Variants in ADGB observed in about 807,000 individuals in gnomAD.
The protein encoded by ADGB is calpain-7-like protein.
A neutral mutation model predicts 210.5 loss-of-function variants in ADGB; 172 were observed. The ratio of observed to expected loss-of-function variants is 0.82; its 90% CI spans 0.72 to 0.93. The LOEUF (loss-of-function observed/expected upper bound fraction) is 0.93. Ranked by LOEUF, ADGB falls within the 40% of genes least tolerant of loss-of-function variation. The pLI, the probability that ADGB is intolerant of heterozygous loss-of-function variation, is 0.00. For synonymous variants in ADGB, 658 were observed against 662.7 expected (o/e 0.99, Z 0.11); for missense variants, 2,025 against 1,964.8 (o/e 1.03, Z -0.58).
chr6:146,812,746 A>C (rs1241793635), intron 35 of ADGB, among the ~76,000 whole-genome samples: 2 of 152,224 alleles, frequency 1.3e-5, no homozygotes, highest in Admixed American at 1.3e-4. Context: ...TGCAGATCTA[A>C]AGTTTTCAAT....
chr6:146,785,460 T>C, intron 31 of ADGB, 150 bp from the exon 32 acceptor site: 2 of 490,156 alleles, frequency 4.1e-6, no homozygotes, highest in Non-Finnish European at 7.3e-6. Flanking sequence ...TATCTGATAA[T>C]GAAGAAGAGC....
chr6:146,691,413 T>TAC lies in ADGB; in HGVS notation c.1486+124_1486+125insCA, dbSNP rs1562275429. 13 of 19,944 alleles carry TAC rather than the reference T, an allele frequency of 6.5e-4. 1 individual carries two copies. Among genetic ancestry groups the TAC allele is most frequent in the African/African-American group, 1.3e-3 (3 of 2,316 alleles). 1.2% of individuals were successfully genotyped at this position (19,944 alleles called of 1,614,324 possible). A position where few individuals can be genotyped will look rare whatever the true frequency, so the allele number is the denominator to read the frequency against. On this transcript the variant is annotated intron_variant, in intron 11 of 35. Coordinates refer to ENST00000397944, the MANE Select transcript of ADGB (RefSeq NM_024694.4). ...CATTGCTTCTAAAGCCTATGTTTAATATATATATATATATATATATATATA... is the reference window on the plus strand; with the variant it reads ...CATTGCTTCTAAAGCCTATGTTTAATACATATATATATATATATATATATATA...
At chr6:146,733,028 T>G (rs1343908953) in intron 20 of ADGB, 92 bp from the exon 21 acceptor site, 2 of 1,030,674 alleles carry the variant, frequency 1.9e-6, no homozygotes, top group African/African-American at 1.7e-5. Context: ...ATGGTTTTTA[T>G]TTTTTATTTT....
At position 146,691,411 on chromosome 6, in the gene ADGB, A is replaced by ATAT. The variant is rs1776305900; in HGVS notation, c.1486+121_1486+122insTAT. ...AACATTGCTTCTAAAGCCTATGTTT[A>ATAT]ATATATATATATATATATATATATA... is the stretch of plus-strand genomic sequence containing the variant. On this transcript the variant is annotated intron_variant, in intron 11 of 35. Coordinates refer to ENST00000397944, the MANE Select transcript of ADGB (RefSeq NM_024694.4). 3.1e-5 allele frequency: 3 copies of ATAT among 98,244 alleles called. No homozygotes were observed. In the African/African-American group the frequency reaches 3.5e-4, roughly 11 times the overall value. The allele number at this position is 98,244 out of a possible 1,614,324, so 6.1% of individuals were successfully genotyped here. A position where few individuals can be genotyped will look rare whatever the true frequency, so the allele number is the denominator to read the frequency against.
At position 146,814,776 on chromosome 6, in the gene ADGB, GA is replaced by G. The variant is rs374652614; in HGVS notation, c.4819-248del. 1.2e-4 allele frequency among the ~76,000 whole-genome samples: 18 copies of G among 151,792 alleles called. No homozygotes were observed. The East Asian group carries it at 1.7e-3, about 15-fold the overall frequency. On this transcript the variant is annotated intron_variant, in intron 35 of 35. Transcript: ENST00000397944. ...ATCATTTAAACAGAATACCTTTGGGGAAAAAAAAGTATGTTTTGACTATTTT... is the reference window on the plus strand; with the variant it reads ...ATCATTTAAACAGAATACCTTTGGGGAAAAAAAGTATGTTTTGACTATTTT...
intron 2 of ADGB, 48 bp from the exon 3 acceptor site, chr6:146,644,720 TTTTTA>T: frequency 9.0e-7 from 1 of 1,112,842 alleles, no homozygotes; most frequent in South Asian, 1.9e-5. Flanking sequence ...TAAAATTGTT[TTTTTA>T]TTTTAATAAA....
At chr6:146,667,516 T>C (rs1320446797) in intron 7 of ADGB, among the ~76,000 whole-genome samples, 1 of 152,006 alleles carries the variant, frequency 6.6e-6, no homozygotes, top group Non-Finnish European at 1.5e-5. Flanking sequence ...TGCTTCTTCA[T>C]AGGGATTGCC....
At chr6:146,752,913 T>C (rs1777344860) in intron 27 of ADGB, among the ~76,000 whole-genome samples, 199 bp downstream of exon 27, 1 of 152,112 alleles carries the variant, frequency 6.6e-6, no homozygotes, top group Admixed American at 6.6e-5. Context: ...TAAAGCCTTT[T>C]CATCTTGGAG....
chr6:146,641,376 T>G (rs1775511346), intron 2 of ADGB, among the ~76,000 whole-genome samples: 1 of 152,008 alleles, frequency 6.6e-6, no homozygotes, highest in African/African-American at 2.4e-5. Flanking sequence ...AATGACATTC[T>G]TCACAGAACT....
At chr6:146,646,423 C>A (rs1236913747) in intron 3 of ADGB, among the ~76,000 whole-genome samples, 1 of 152,032 alleles carries the variant, frequency 6.6e-6, no homozygotes, top group Non-Finnish European at 1.5e-5. Context: ...AATATTAAAG[C>A]CCTCTCAAGT....
intron 11 of ADGB, among the ~76,000 whole-genome samples, chr6:146,692,001 C>A (rs1776336232): frequency 6.6e-6 from 1 of 151,872 alleles, no homozygotes; most frequent in African/African-American, 2.4e-5. Context: ...ATCTGTTTGA[C>A]ACTTGAAAGG....
Position 146,773,088 on chromosome 6 carries a change from A to T in ADGB, c.3862+3957A>T, listed in dbSNP as rs551894232. On this transcript the variant is annotated intron_variant, in intron 29 of 35. Transcript: ENST00000397944. ...GTATCTGCACATAGCTCACTATTCA[A>T]GGCCATTCCCATTTCCTTCCACATC... Among the ~76,000 whole-genome samples, 137 of 152,238 alleles carry T rather than the reference A, an allele frequency of 9.0e-4. 1 individual carries two copies. The highest frequency in any genetic ancestry group is 5.9e-3 in the Admixed American group (90 of 15,268).
At chr6:146,660,452 C>G (rs1379849896) in intron 5 of ADGB, among the ~76,000 whole-genome samples, 2 of 152,062 alleles carry the variant, frequency 1.3e-5, no homozygotes, top group Admixed American at 1.3e-4. Context: ...TCCTCCTAAG[C>G]TTTCTTCTAT....
Position 146,676,406 on chromosome 6 carries a change from C to G in ADGB, c.1181C>G (p.Ser394Ter), listed in dbSNP as rs1776085319. The change falls in exon 9 of 36, where the codon TCA becomes TGA. Residue 394 changes from serine to a stop codon, truncating the protein, a stop_gained. Transcript: ENST00000397944. LOFTEE classifies it high-confidence loss of function. The part of the protein sequence containing the change: ...KFSLHGSRPS[S>*]EVQYSVQSLS... ...TCACTTCATGGTTCAAGACCCTCAT[C>G]AGAAGTGCAGTACTCTGTGCAGTCC... The G allele has an allele frequency of 6.5e-7, 1 of 1,546,142 alleles. No homozygotes were observed. Among genetic ancestry groups the G allele is most frequent in the Admixed American group, 2.0e-5 (1 of 50,568 alleles).
intron 29 of ADGB, among the ~76,000 whole-genome samples, chr6:146,772,313 G>T (rs1777662308): frequency 6.6e-6 from 1 of 151,244 alleles, no homozygotes; most frequent in Admixed American, 6.6e-5. Flanking sequence ...CAATGCTATT[G>T]ACTAGAATTG....
chr6:146,812,892 A>T (rs1480052245), intron 35 of ADGB, among the ~76,000 whole-genome samples: 3 of 152,218 alleles, frequency 2.0e-5, no homozygotes, highest in Non-Finnish European at 4.4e-5. Flanking sequence ...ATGCTTTGAC[A>T]CAAGGTTGTG....
intron 22 of ADGB, among the ~76,000 whole-genome samples, chr6:146,734,245 T>C (rs966746204): frequency 3.9e-5 from 6 of 152,206 alleles, no homozygotes; most frequent in South Asian, 2.1e-4. Context: ...AAGCACACAA[T>C]AAATACTTGC....
At chr6:146,810,942 A>C (rs1778294182) in intron 35 of ADGB, among the ~76,000 whole-genome samples, 1 of 152,222 alleles carries the variant, frequency 6.6e-6, no homozygotes, top group African/African-American at 2.4e-5. Context: ...TTCAGTGTAC[A>C]CATATATCAA....
Position 146,763,964 on chromosome 6 carries a change from A to G in ADGB, c.3614A>G (p.Lys1205Arg). Residue 1205 changes from lysine to arginine, a missense_variant, in exon 28 of 36, where the codon AAG (lysine) becomes AGG (arginine). Lys to Arg is a conservative substitution (Grantham distance 26). Transcript: ENST00000397944. ...SKKEQEVYVK[K>R]KAAQGIQKSP... ...AAAGAGCAAGAAGTGTATGTTAAGAAGAAAGCTGCTCAGGGAATTCAGAAA... is the reference window on the plus strand; with the variant it reads ...AAAGAGCAAGAAGTGTATGTTAAGAGGAAAGCTGCTCAGGGAATTCAGAAA... 5 of 1,551,562 alleles carry G rather than the reference A, an allele frequency of 3.2e-6. No individual in the cohort carries two copies. Among genetic ancestry groups the G allele is most frequent in the Non-Finnish European group, 3.5e-6 (4 of 1,146,894 alleles).
Sources: allele counts gnomAD v4.1 joint callset (sites outside exome capture counted in the v4.1 genomes callset), GRCh38; gene constraint gnomAD v4.1.1; transcripts MANE v1.5; gene names NCBI Gene and HGNC (gene_info 2026-07-23, HGNC 2026-07-21).